The following PDS5A variants were observed in gnomAD, a reference collection of about 807,000 sequenced individuals.
The protein encoded by PDS5A is sister chromatid cohesion protein PDS5 homolog A.
Under a neutral mutation model 167.1 loss-of-function variants are expected in PDS5A, and 42 were observed. The ratio of observed to expected loss-of-function variants is 0.25; its 90% CI spans 0.20 to 0.33. The LOEUF is 0.33. Among genes scored for constraint, PDS5A ranks in the 10% least tolerant of loss-of-function variants. PDS5A has a pLI of 1.00. For missense variants in PDS5A, 1,033 were observed against 1,605.9 expected, an observed-to-expected ratio of 0.64 and a Z score of 6.10; for synonymous variants, 553 against 554.6, an observed-to-expected ratio of 1.00 and a Z score of 0.04.
chr4:39,944,871 C>A (rs560978864), intron 2 of PDS5A, among the ~76,000 whole-genome samples: 1 of 151,982 alleles, frequency 6.6e-6, no homozygotes, highest in South Asian at 2.1e-4. Flanking sequence ...TATATTTTGA[C>A]CCTCACATAA....
intron 18 of PDS5A, among the ~76,000 whole-genome samples, chr4:39,879,173 CCTT>C (rs1169874800): frequency 2.6e-5 from 4 of 151,988 alleles, no homozygotes; most frequent in African/African-American, 9.7e-5. Flanking sequence ...CAATTTCTTC[CCTT>C]CTTTTACTCA....
intron 29 of PDS5A, among the ~76,000 whole-genome samples, chr4:39,845,111 G>A (rs1211026169): frequency 6.6e-6 from 1 of 152,102 alleles, no homozygotes. Flanking sequence ...GATAGACTGA[G>A]GCATGAGAAT....
chr4:39,952,420 T>C (rs1216958745), intron 2 of PDS5A, among the ~76,000 whole-genome samples: 1 of 152,222 alleles, frequency 6.6e-6, no homozygotes. Context: ...AATGAGTTAA[T>C]TATAGGAGCT....
chr4:39,929,606 C>CAT (rs1725820142), intron 2 of PDS5A, among the ~76,000 whole-genome samples: 1 of 130,814 alleles, frequency 7.6e-6, no homozygotes, highest in African/African-American at 3.1e-5. Context: ...CCTATTGGGG[C>CAT]GTGTGTGTGT....
At chr4:39,849,713 A>T in intron 26 of PDS5A, 61 bp from the exon 27 acceptor site, 1 of 1,135,588 alleles carries the variant, frequency 8.8e-7, no homozygotes, top group Non-Finnish European at 1.3e-6. Context: ...AAAGCAATAA[A>T]TATGTTAGCT....
intron 26 of PDS5A, among the ~76,000 whole-genome samples, chr4:39,858,783 G>A (rs534593684): frequency 1.2e-4 from 18 of 152,100 alleles, no homozygotes; most frequent in African/African-American, 4.3e-4. Flanking sequence ...TCCACAACGC[G>A]TGGCTAATTT....
chr4:39,911,547 T>C (rs1233776997), intron 9 of PDS5A, among the ~76,000 whole-genome samples: 1 of 151,946 alleles, frequency 6.6e-6, no homozygotes, highest in Non-Finnish European at 1.5e-5. Context: ...AAAATGCACA[T>C]GTTGGCCGGG....
chr4:39,844,189 T>G (rs190580901), intron 30 of PDS5A, among the ~76,000 whole-genome samples: 4 of 151,274 alleles, frequency 2.6e-5, no homozygotes, highest in African/African-American at 9.7e-5. Context: ...AAAAAGAAAA[T>G]ACTGGCTGGG....
At chr4:39,959,669 G>A (rs1013873809) in intron 2 of PDS5A, among the ~76,000 whole-genome samples, 6 of 152,072 alleles carry the variant, frequency 3.9e-5, no homozygotes, top group Non-Finnish European at 7.4e-5. Context: ...AAAACAACAC[G>A]TAAGGCCAGG....
At chr4:39,930,246 A>AAAAAAAAAAAAAAAAAAAAAAT in intron 2 of PDS5A, among the ~76,000 whole-genome samples, 1 of 93,090 alleles carries the variant, frequency 1.1e-5, no homozygotes, top group Non-Finnish European at 2.2e-5. Context: ...AAAAAAAAAA[A>AAAAAAAAAAAAAAAAAAAAAAT]GTTTTTTTGT....
At chr4:39,964,004 T>C (rs1036612642) in intron 2 of PDS5A, among the ~76,000 whole-genome samples, 5 of 152,110 alleles carry the variant, frequency 3.3e-5, no homozygotes, top group African/African-American at 1.2e-4. Flanking sequence ...CCTCCCAAGT[T>C]CAAGTGATTC....
At position 39,824,016 on chromosome 4, in the gene PDS5A, T is replaced by C. The variant is rs543043240; in HGVS notation, c.*1469A>G. ...CACAAATGTTGTTTCCTCTGACCCA[T>C]GCTAGAAACGTGTAAGGAAATGGAG... is the stretch of plus-strand genomic sequence containing the variant. On this transcript the variant is annotated 3_prime_UTR_variant, in exon 33 of 33. Transcript: ENST00000303538. The C allele has an allele frequency of 6.6e-5, 10 of 152,344 alleles. No individual in the cohort carries two copies. Among genetic ancestry groups the C allele is most frequent in the African/African-American group, 2.2e-4 (9 of 41,574 alleles). 9.4% of individuals were successfully genotyped at this position (152,344 alleles called of 1,614,324 possible).
chr4:39,844,972 C>T (rs1016956290), intron 29 of PDS5A, among the ~76,000 whole-genome samples, 171 bp from the exon 30 acceptor site: 7 of 152,176 alleles, frequency 4.6e-5, no homozygotes, highest in Non-Finnish European at 5.9e-5. Flanking sequence ...AATCCCAGCA[C>T]TTTGGGAGGT....
chr4:39,923,638 A>AACACACACACACAAACACACAAAC (rs376190459), intron 5 of PDS5A, among the ~76,000 whole-genome samples: 6 of 125,294 alleles, frequency 4.8e-5, no homozygotes, highest in South Asian at 3.0e-4. Flanking sequence ...CCTGTCTCAA[A>AACACACACACACAAACACACAAAC]ACACACACAC....
chr4:39,891,287 G>C (rs1721940488), intron 16 of PDS5A, among the ~76,000 whole-genome samples: 1 of 151,348 alleles, frequency 6.6e-6, no homozygotes, highest in Admixed American at 6.6e-5. Flanking sequence ...ACCCGCCTCG[G>C]CCTCCCAAAA....
chr4:39,840,871 C>T (rs559974811), intron 31 of PDS5A, among the ~76,000 whole-genome samples: 4 of 152,114 alleles, frequency 2.6e-5, no homozygotes, highest in Admixed American at 6.5e-5. Flanking sequence ...TCTCCTGTCT[C>T]GACCTCTTGA....
At chr4:39,869,523 AT>A in intron 21 of PDS5A, 61 bp from the exon 22 acceptor site, 1 of 1,021,012 alleles carries the variant, frequency 9.8e-7, no homozygotes, top group Non-Finnish European at 1.5e-6. Flanking sequence ...GTTTTTGCTG[AT>A]TAAGTTTTTC....
chr4:39,954,670 TAAAAAAA>T (rs777287409), intron 2 of PDS5A, among the ~76,000 whole-genome samples: 4 of 48,282 alleles, frequency 8.3e-5, no homozygotes, highest in East Asian at 7.6e-4. Flanking sequence ...AAGAGATAAG[TAAAAAAA>T]AAAAAAAAAA....
chr4:39,833,063 C>T (rs1052135053), intron 32 of PDS5A, among the ~76,000 whole-genome samples: 8 of 148,800 alleles, frequency 5.4e-5, no homozygotes, highest in South Asian at 2.1e-4. Context: ...TGGTGGCGGG[C>T]GCCTGTAATC....
Sources: allele counts gnomAD v4.1 joint callset (sites outside exome capture counted in the v4.1 genomes callset), GRCh38; gene constraint gnomAD v4.1.1; transcripts MANE v1.5; gene names NCBI Gene and HGNC (gene_info 2026-07-23, HGNC 2026-07-21).